Variants in SLC41A3 observed in about 807,000 individuals in gnomAD.
SLC41A3 encodes the protein solute carrier family 41 member 3.
In SLC41A3, 44 loss-of-function variants were observed where a neutral mutation model predicts 45.4. The observed-to-expected ratio is 0.97, with a 90% CI of 0.76 to 1.25. The LOEUF is 1.25. Ranked by LOEUF, SLC41A3 falls within the 50% of genes most tolerant of loss-of-function variation. SLC41A3 has a pLI of 0.00. For synonymous variants in SLC41A3, 256 were observed against 252.4 expected, an observed-to-expected ratio of 1.01 and a Z score of -0.13; for missense variants, 550 against 600.6, an observed-to-expected ratio of 0.92 and a Z score of 0.88.
intron 5 of SLC41A3, chr3:126,024,894 C>T (rs943113435): frequency 6.6e-6 from 1 of 152,252 alleles, no homozygotes; most frequent in Non-Finnish European, 1.5e-5. Context: ...CTGTTCCCAT[C>T]AGTGGAAATG....
chr3:126,095,460 G>T, intron 1 of SLC41A3: 1 of 467,952 alleles, frequency 2.1e-6, no homozygotes, highest in Non-Finnish European at 3.8e-6. Flanking sequence ...TAGTAGCTAC[G>T]ATAGTGATGA....
chr3:126,062,718 A>G (rs77770708), intron 2 of SLC41A3, among the ~76,000 whole-genome samples: 23 of 152,330 alleles, frequency 1.5e-4, no homozygotes, highest in Admixed American at 3.3e-4. Context: ...AGCATCCACA[A>G]CATTAATACA....
chr3:126,063,031 T>C (rs1043880496), intron 2 of SLC41A3, among the ~76,000 whole-genome samples: 4 of 152,212 alleles, frequency 2.6e-5, no homozygotes, highest in African/African-American at 4.8e-5. Context: ...TCCTCCACCC[T>C]GCACTGTGCA....
chr3:126,023,095 G>T, intron 5 of SLC41A3, 163 bp from the exon 6 acceptor site: 3 of 916,258 alleles, frequency 3.3e-6, no homozygotes, highest in Non-Finnish European at 4.9e-6. Flanking sequence ...TTGACGTGAA[G>T]CCAGGCTGCC....
In SLC41A3 at chr3:126,006,763, G is replaced by T; in HGVS notation, c.*253C>A. The T allele has an allele frequency of 6.9e-7, 1 of 1,443,018 alleles. No individual in the cohort carries two copies. The highest frequency in any genetic ancestry group is 9.1e-7 in the Non-Finnish European group (1 of 1,103,988). 89.4% of individuals were successfully genotyped at this position (1,443,018 alleles called of 1,614,324 possible). ...CCTCTCCACAAACGTGTGCACACTT[G>T]CACGCTCATTAAGCATGTGCACACA... On this transcript the variant is annotated 3_prime_UTR_variant, in exon 11 of 11. Coordinates refer to ENST00000360370, the MANE Select transcript of SLC41A3 (RefSeq NM_017836.4).
At chr3:126,022,010 A>G (rs948211857) in intron 6 of SLC41A3, among the ~76,000 whole-genome samples, 53 of 152,362 alleles carry the variant, frequency 3.5e-4, no homozygotes, top group African/African-American at 1.2e-3. Flanking sequence ...CTGCCCAGGC[A>G]TGGATGTGGG....
chr3:126,020,476 G>A lies in SLC41A3; in HGVS notation c.745+2310C>T, dbSNP rs141581804. ...TCTTTCATTCTCTACCATATGGCCAGGCTAAAAATTTTCCCAATTTTCCCG... is the reference window on the plus strand; with the variant it reads ...TCTTTCATTCTCTACCATATGGCCAAGCTAAAAATTTTCCCAATTTTCCCG... On this transcript the variant is annotated intron_variant, in intron 6 of 10. Transcript: ENST00000360370. Among the ~76,000 whole-genome samples the A allele has an allele frequency of 9.1e-3, 1,389 of 152,254 alleles. 23 individuals carry two copies. Among genetic ancestry groups the A allele is most frequent in the African/African-American group, 0.032 (1,325 of 41,530 alleles).
chr3:126,072,345 T>C (rs1443505358), intron 1 of SLC41A3, among the ~76,000 whole-genome samples: 1 of 115,578 alleles, frequency 8.7e-6, no homozygotes, highest in Non-Finnish European at 1.7e-5. Flanking sequence ...AGACTGGTAA[T>C]AAATGAAAGA....
At chr3:126,068,301 A>G in intron 1 of SLC41A3, 55 bp from the exon 2 acceptor site, 1 of 1,436,286 alleles carries the variant, frequency 7.0e-7, no homozygotes, top group Non-Finnish European at 9.1e-7. Context: ...CATGGCGCTA[A>G]CACCCAAGGA....
intron 4 of SLC41A3, among the ~76,000 whole-genome samples, chr3:126,029,165 G>A (rs1166816964): frequency 6.6e-6 from 1 of 152,168 alleles, no homozygotes; most frequent in South Asian, 2.1e-4. Context: ...CATGAGATTT[G>A]GGGGGCCAGG....
chr3:126,071,523 C>T (rs978863317), intron 1 of SLC41A3, among the ~76,000 whole-genome samples: 1 of 152,134 alleles, frequency 6.6e-6, no homozygotes, highest in African/African-American at 2.4e-5. Context: ...AAGAGGACTT[C>T]AACAACATTA....
chr3:126,008,634 C>A lies in SLC41A3; in HGVS notation c.1254+98G>T, dbSNP rs572413637. On this transcript the variant is annotated intron_variant, in intron 10 of 10. Coordinates refer to ENST00000360370, the MANE Select transcript of SLC41A3 (RefSeq NM_017836.4). ...GGACTGTGCCCCACACGTCCAGCCA[C>A]CCCCACCCGCCTCCCTCAGCCTCTC... is the stretch of plus-strand genomic sequence containing the variant. The A allele has an allele frequency of 1.8e-5, 28 of 1,547,734 alleles. No individual in the cohort carries two copies. In the African/African-American group the frequency reaches 3.5e-4, roughly 19 times the overall value.
chr3:126,075,381 A>T (rs1208831011), intron 1 of SLC41A3, among the ~76,000 whole-genome samples: 1 of 152,236 alleles, frequency 6.6e-6, no homozygotes, highest in Non-Finnish European at 1.5e-5. Context: ...TTGTACCCTG[A>T]AAACTATAAA....
intron 2 of SLC41A3, among the ~76,000 whole-genome samples, chr3:126,053,374 T>C (rs79072880): frequency 8.6e-4 from 131 of 152,312 alleles, no homozygotes; most frequent in African/African-American, 3.0e-3. Context: ...TTCCAGCCTC[T>C]GGAACTGCGG....
chr3:126,056,255 C>CA, intron 2 of SLC41A3: 1 of 1,437,394 alleles, frequency 7.0e-7, no homozygotes, highest in Non-Finnish European at 9.5e-7. Context: ...GCTGCCCTCC[C>CA]ACTGTAGAGG....
At chr3:126,009,380 G>A (rs955964573) in intron 9 of SLC41A3, among the ~76,000 whole-genome samples, 5 of 152,258 alleles carry the variant, frequency 3.3e-5, no homozygotes, top group Admixed American at 1.3e-4. Flanking sequence ...AGGGGACCTC[G>A]GGCAGCCCCT....
chr3:126,072,830 C>G (rs1203589901), intron 1 of SLC41A3, among the ~76,000 whole-genome samples: 1 of 152,152 alleles, frequency 6.6e-6, no homozygotes, highest in Non-Finnish European at 1.5e-5. Context: ...GTATGTTCAT[C>G]GCAGCACTAT....
intron 1 of SLC41A3, among the ~76,000 whole-genome samples, chr3:126,098,350 G>C (rs1160131043): frequency 6.6e-6 from 1 of 152,210 alleles, no homozygotes; most frequent in Non-Finnish European, 1.5e-5. Flanking sequence ...GACAGGGAGA[G>C]AGGCCTCATC....
intron 1 of SLC41A3, among the ~76,000 whole-genome samples, chr3:126,081,392 G>A (rs1475166045): frequency 6.6e-6 from 1 of 152,196 alleles, no homozygotes; most frequent in African/African-American, 2.4e-5. Flanking sequence ...TTAATGGCTA[G>A]AAATACACAG....
Sources: gnomAD v4.1 joint callset for allele counts (sites outside exome capture counted in the v4.1 genomes callset) on GRCh38, gnomAD v4.1.1 for gene constraint, MANE v1.5 for transcripts, NCBI Gene and HGNC (gene_info 2026-07-23, HGNC 2026-07-21) for gene names.